UNC13C: variants seen among roughly 807,000 people sequenced by gnomAD.
UNC13C encodes protein unc-13 homolog C.
Under a neutral mutation model 245.4 loss-of-function variants are expected in UNC13C, and 174 were observed. The observed-to-expected ratio is 0.71, with a 90% CI of 0.63 to 0.80. The LOEUF is 0.80. UNC13C is among the 30% of genes least tolerant of loss of function. UNC13C has a pLI of 0.00. For missense variants in UNC13C, 2,829 were observed against 2,602.9 expected, an observed-to-expected ratio of 1.09 and a Z score of -1.89; for synonymous variants, 992 against 895.1, an observed-to-expected ratio of 1.11 and a Z score of -1.93.
At chr15:54,481,335 A>G (rs1053074800) in intron 19 of UNC13C, among the ~76,000 whole-genome samples, 6 of 151,876 alleles carry the variant, frequency 4.0e-5, no homozygotes, top group African/African-American at 9.7e-5. Flanking sequence ...GTGGCAGTGC[A>G]GGACTGGGCA....
At chr15:54,542,155 G>T (rs533649190) in intron 26 of UNC13C, among the ~76,000 whole-genome samples, 1 of 152,178 alleles carries the variant, frequency 6.6e-6, no homozygotes, top group African/African-American at 2.4e-5. Context: ...TGAATAAAAA[G>T]GGATCATTTG....
chr15:54,006,753 A>C (rs867021329), intron 1 of UNC13C, among the ~76,000 whole-genome samples: 19 of 152,162 alleles, frequency 1.2e-4, no homozygotes, highest in African/African-American at 1.9e-4. Flanking sequence ...CCACCTCGAC[A>C]TGCTCCCCTT....
intron 18 of UNC13C, among the ~76,000 whole-genome samples, chr15:54,396,163 G>T (rs2040065648): frequency 6.6e-6 from 1 of 151,420 alleles, no homozygotes; most frequent in Non-Finnish European, 1.5e-5. Flanking sequence ...GAATAGTTCT[G>T]GCATATGTAT....
At chr15:54,017,159 T>G (rs933845791) in intron 2 of UNC13C, among the ~76,000 whole-genome samples, 1 of 152,200 alleles carries the variant, frequency 6.6e-6, no homozygotes, top group Non-Finnish European at 1.5e-5. Context: ...TGTAATTTAT[T>G]TAGGAATGAT....
intron 30 of UNC13C, among the ~76,000 whole-genome samples, chr15:54,597,766 G>C (rs1899178543): frequency 6.6e-6 from 1 of 152,050 alleles, no homozygotes; most frequent in African/African-American, 2.4e-5. Flanking sequence ...ATGATTTCAG[G>C]TGTTAAAGCA....
intron 30 of UNC13C, among the ~76,000 whole-genome samples, chr15:54,619,403 T>A (rs1422998522): frequency 6.6e-6 from 1 of 152,312 alleles, no homozygotes; most frequent in Non-Finnish European, 1.5e-5. Context: ...TGCTGCACTT[T>A]GATCTTTCCT....
the UNC13C span, among the ~76,000 whole-genome samples, chr15:53,882,182 A>G: frequency 1.3e-5 from 2 of 152,194 alleles, no homozygotes; most frequent in Admixed American, 6.6e-5. Context: ...AGTAAATGTC[A>G]TCTATTATCA....
chr15:53,897,782 TA>T, the UNC13C span, among the ~76,000 whole-genome samples: 1 of 152,208 alleles, frequency 6.6e-6, no homozygotes, highest in African/African-American at 2.4e-5. Flanking sequence ...ATTAGCATAT[TA>T]AAAGTTCTTC....
At chr15:54,077,871 G>A (rs544500846) in intron 2 of UNC13C, among the ~76,000 whole-genome samples, 11 of 152,156 alleles carry the variant, frequency 7.2e-5, no homozygotes, top group Admixed American at 2.0e-4. Context: ...GATTTGTTAC[G>A]TGAGTATATT....
intron 10 of UNC13C, among the ~76,000 whole-genome samples, chr15:54,287,095 A>G (rs2037169951): frequency 6.6e-6 from 1 of 152,188 alleles, no homozygotes; most frequent in East Asian, 1.9e-4. Flanking sequence ...CAAACTGGTA[A>G]ACCCTAAACC....
chr15:54,411,267 A>G (rs1189142920), intron 18 of UNC13C, among the ~76,000 whole-genome samples: 4 of 152,082 alleles, frequency 2.6e-5, no homozygotes, highest in African/African-American at 9.7e-5. Flanking sequence ...CATGTTTTGC[A>G]AATTTTTTTC....
At chr15:54,138,359 T>C (rs76964276) in intron 2 of UNC13C, among the ~76,000 whole-genome samples, 4,355 of 152,198 alleles carry the variant, frequency 0.029, 214 homozygotes, top group African/African-American at 0.1. Context: ...TATGAATGAA[T>C]ATATTAACCT....
intron 10 of UNC13C, among the ~76,000 whole-genome samples, chr15:54,268,056 C>T (rs1183353234): frequency 1.3e-5 from 2 of 151,926 alleles, no homozygotes; most frequent in African/African-American, 4.8e-5. Context: ...ATCAACCCAT[C>T]ATCTAGGTTT....
chr15:53,915,423 A>T, the UNC13C span, among the ~76,000 whole-genome samples: 1 of 152,244 alleles, frequency 6.6e-6, no homozygotes, highest in Non-Finnish European at 1.5e-5. Context: ...ACAGAGGCCT[A>T]AAGAGAACCT....
At chr15:54,559,518 C>T (rs1897218540) in intron 29 of UNC13C, among the ~76,000 whole-genome samples, 1 of 151,996 alleles carries the variant, frequency 6.6e-6, no homozygotes, top group Non-Finnish European at 1.5e-5. Context: ...TATTTGAGAG[C>T]TTACTGTAGG....
intron 2 of UNC13C, among the ~76,000 whole-genome samples, chr15:54,073,283 G>A (rs1898422509): frequency 6.6e-6 from 1 of 152,066 alleles, no homozygotes; most frequent in African/African-American, 2.4e-5. Flanking sequence ...GTTTATCATT[G>A]ATGGGCATTT....
intron 4 of UNC13C, among the ~76,000 whole-genome samples, chr15:54,143,904 TATAA>T (rs1247047263): frequency 7.7e-6 from 1 of 129,592 alleles, no homozygotes; most frequent in Non-Finnish European, 1.9e-5. Flanking sequence ...TGATTATATA[TATAA>T]GTCAAAATCA....
chr15:54,340,594 G>A (rs1596250395), intron 17 of UNC13C, among the ~76,000 whole-genome samples: 1 of 152,168 alleles, frequency 6.6e-6, no homozygotes, highest in African/African-American at 2.4e-5. Flanking sequence ...TCAGTTGGCT[G>A]TAAGTATGCG....
intron 4 of UNC13C, among the ~76,000 whole-genome samples, chr15:54,220,515 G>A (rs959102130): frequency 2.6e-5 from 4 of 151,176 alleles, no homozygotes; most frequent in South Asian, 2.1e-4. Flanking sequence ...GTTAATGGGT[G>A]CAGCACACCA....
Sources: gnomAD v4.1 joint callset for allele counts (sites outside exome capture counted in the v4.1 genomes callset) on GRCh38, gnomAD v4.1.1 for gene constraint, MANE v1.5 for transcripts, NCBI Gene and HGNC (gene_info 2026-07-23, HGNC 2026-07-21) for gene names.